Variants in HCRTR2 observed in about 807,000 individuals in gnomAD.
The protein encoded by HCRTR2 is hypocretin receptor 2.
In HCRTR2, 22 loss-of-function variants were observed where a neutral mutation model predicts 49.0. The observed-to-expected ratio is 0.45, with a 90% CI of 0.32 to 0.64. The LOEUF (loss-of-function observed/expected upper bound fraction) is 0.64, where lower values mean the gene tolerates loss of function less well. Ranked by LOEUF, HCRTR2 falls within the 30% of genes least tolerant of loss-of-function variation. The pLI is 0.04. For synonymous variants in HCRTR2, 236 were observed against 205.3 expected (o/e 1.15, Z -1.28); for missense variants, 491 against 559.4 (o/e 0.88, Z 1.23).
intron 1 of HCRTR2, among the ~76,000 whole-genome samples, chr6:55,120,112 T>C (rs977530810): frequency 2.0e-5 from 3 of 152,196 alleles, no homozygotes; most frequent in African/African-American, 7.2e-5. Context: ...AGGCCTCTAT[T>C]CTGTTCCATT....
intron 1 of HCRTR2, among the ~76,000 whole-genome samples, chr6:55,132,582 T>TAGATTATAAACAGTTATTCAA (rs1308378820): frequency 6.6e-6 from 1 of 151,772 alleles, no homozygotes; most frequent in Non-Finnish European, 1.5e-5. Context: ...TTGGGAGACA[T>TAGATTATAAACAGTTATTCAA]AGATTATAAA....
intron 1 of HCRTR2, among the ~76,000 whole-genome samples, chr6:55,133,183 A>G (rs1764382453): frequency 6.6e-6 from 1 of 151,850 alleles, no homozygotes; most frequent in Admixed American, 6.6e-5. Context: ...TTATTTTTAG[A>G]GTAAATTTTT....
At chr6:55,149,808 G>A (rs1426374934) in intron 1 of HCRTR2, among the ~76,000 whole-genome samples, 3 of 151,924 alleles carry the variant, frequency 2.0e-5, no homozygotes, top group African/African-American at 7.2e-5. Context: ...GAAAATATTT[G>A]AATACATTAG....
At chr6:55,244,436 G>A (rs1432061865) in intron 1 of HCRTR2, among the ~76,000 whole-genome samples, 2 of 151,890 alleles carry the variant, frequency 1.3e-5, no homozygotes, top group African/African-American at 4.8e-5. Context: ...TCTAGCTAAT[G>A]GTTACAACAA....
chr6:55,167,363 T>C (rs1205961128), intron 1 of HCRTR2, among the ~76,000 whole-genome samples: 1 of 152,188 alleles, frequency 6.6e-6, no homozygotes, highest in East Asian at 1.9e-4. Flanking sequence ...ATTGTATGTA[T>C]ATTTATTAAA....
At chr6:55,153,951 T>C (rs1011330041) in intron 1 of HCRTR2, among the ~76,000 whole-genome samples, 1 of 151,664 alleles carries the variant, frequency 6.6e-6, no homozygotes, top group African/African-American at 2.4e-5. Flanking sequence ...ACAGGAGACA[T>C]TACAATTGAT....
At chr6:55,135,419 TCGTAAAACCTCTATAATATCACTA>T (rs1326776373) in intron 1 of HCRTR2, among the ~76,000 whole-genome samples, 2 of 152,052 alleles carry the variant, frequency 1.3e-5, no homozygotes, top group African/African-American at 4.8e-5. Context: ...AATCAGAATA[TCGTAAAACCTCTATAATATCACTA>T]CTCATCTGTT....
At chr6:55,219,611 G>T (rs1350549452) in intron 1 of HCRTR2, among the ~76,000 whole-genome samples, 1 of 151,932 alleles carries the variant, frequency 6.6e-6, no homozygotes, top group Non-Finnish European at 1.5e-5. Context: ...AAAGAAAAAA[G>T]ATTTTAAGTA....
At chr6:55,210,988 C>G (rs941336414) in intron 1 of HCRTR2, among the ~76,000 whole-genome samples, 2 of 152,084 alleles carry the variant, frequency 1.3e-5, no homozygotes, top group African/African-American at 2.4e-5. Context: ...CTTTTCTGTA[C>G]TTTTCTATGT....
At chr6:55,176,721 A>AT (rs1354662332) in intron 1 of HCRTR2, among the ~76,000 whole-genome samples, 6 of 152,208 alleles carry the variant, frequency 3.9e-5, no homozygotes, top group Non-Finnish European at 7.4e-5. Context: ...CTCCATTGTT[A>AT]TTCCACTCTA....
At chr6:55,268,948 G>A (rs868327086) in intron 4 of HCRTR2, among the ~76,000 whole-genome samples, 3 of 151,720 alleles carry the variant, frequency 2.0e-5, no homozygotes, top group Non-Finnish European at 2.9e-5. Context: ...AAATTAGCCG[G>A]GTGAGGTGGG....
intron 1 of HCRTR2, among the ~76,000 whole-genome samples, chr6:55,123,261 G>A (rs540434136): frequency 5.3e-5 from 8 of 152,102 alleles, no homozygotes; most frequent in Admixed American, 1.3e-4. Context: ...ATTAGCTGTA[G>A]GTTTGTCATA....
At chr6:55,145,674 G>A (rs906563393) in intron 1 of HCRTR2, among the ~76,000 whole-genome samples, 2 of 151,828 alleles carry the variant, frequency 1.3e-5, no homozygotes, top group African/African-American at 4.8e-5. Context: ...CTTGGCCTCC[G>A]AAAGTGCTGG....
intron 1 of HCRTR2, among the ~76,000 whole-genome samples, chr6:55,246,685 C>A (rs1011230634): frequency 1.3e-5 from 2 of 152,002 alleles, no homozygotes; most frequent in Non-Finnish European, 2.9e-5. Flanking sequence ...TTTACTTTTA[C>A]TTACTCTAGT....
chr6:55,259,028 G>T (rs943338857), intron 3 of HCRTR2, among the ~76,000 whole-genome samples: 1 of 152,124 alleles, frequency 6.6e-6, no homozygotes, highest in East Asian at 1.9e-4. Context: ...TCCAGCCTGG[G>T]CAAAAGAGCA....
intron 1 of HCRTR2, among the ~76,000 whole-genome samples, chr6:55,108,530 T>C (rs1021751004): frequency 6.6e-6 from 1 of 151,690 alleles, no homozygotes; most frequent in Non-Finnish European, 1.5e-5. Context: ...TAAGGTTAAA[T>C]CCTTCTAGGT....
intron 3 of HCRTR2, among the ~76,000 whole-genome samples, chr6:55,258,923 C>A (rs11758542): frequency 6.6e-6 from 1 of 151,842 alleles, no homozygotes; most frequent in East Asian, 1.9e-4. Flanking sequence ...TGGTGGTGGG[C>A]GCCTGTAATT....
intron 1 of HCRTR2, among the ~76,000 whole-genome samples, chr6:55,133,358 A>T (rs1287992028): frequency 6.8e-6 from 1 of 146,514 alleles, no homozygotes; most frequent in African/African-American, 2.5e-5. Context: ...TGTGTGAGAG[A>T]GAGATCATAT....
At chr6:55,244,459 T>A (rs1415548254) in intron 1 of HCRTR2, among the ~76,000 whole-genome samples, 1 of 152,018 alleles carries the variant, frequency 6.6e-6, no homozygotes, top group African/African-American at 2.4e-5. Flanking sequence ...TGACATTGGG[T>A]ATTTGCAATA....
Sources: allele counts gnomAD v4.1 joint callset (sites outside exome capture counted in the v4.1 genomes callset), GRCh38; gene constraint gnomAD v4.1.1; transcripts MANE v1.5; gene names NCBI Gene and HGNC (gene_info 2026-07-23, HGNC 2026-07-21).